ARSK: variants seen among roughly 807,000 people sequenced by gnomAD.
ARSK encodes arylsulfatase family member K.
In ARSK, 37 loss-of-function variants were observed where a neutral mutation model predicts 53.2. That is an observed-to-expected ratio of 0.70 (90% confidence interval 0.54 to 0.92). ARSK has a LOEUF of 0.92. Ranked by LOEUF, ARSK falls within the 40% of genes least tolerant of loss-of-function variation. ARSK has a pLI of 0.00. For synonymous variants in ARSK, 208 were observed against 223.2 expected (o/e 0.93, Z 0.61); for missense variants, 613 against 643.0 (o/e 0.95, Z 0.51).
chr5:95,576,769 A>G (rs1376906877), intron 3 of ARSK, among the ~76,000 whole-genome samples: 1 of 151,756 alleles, frequency 6.6e-6, no homozygotes, highest in Non-Finnish European at 1.5e-5. Context: ...CAGCTATATC[A>G]CTTCTAATCC....
chr5:95,579,086 G>A (rs1580222672), intron 3 of ARSK, among the ~76,000 whole-genome samples: 1 of 152,130 alleles, frequency 6.6e-6, no homozygotes, highest in African/African-American at 2.4e-5. Context: ...ATAGGCTACT[G>A]TTGAAGCTCC....
chr5:95,600,908 A>C lies in ARSK; in HGVS notation c.1158A>C (p.Ser386=). The C allele has an allele frequency of 6.2e-7, 1 of 1,614,156 alleles. No homozygotes were observed. The highest frequency in any genetic ancestry group is 8.5e-7 in the Non-Finnish European group (1 of 1,179,982). The change falls in exon 7 of 8, where the codon TCA becomes TCC. Residue 386 remains serine, a synonymous_variant. Transcript: ENST00000380009. ...GATACTCTTTGTTGCCGTTATCATC[A>C]GAAACATTTAAGAATGAACATAAAG... ...LSGYSLLPLS[S]ETFKNEHKVK...
At chr5:95,562,935 T>C (rs963939924) in intron 1 of ARSK, among the ~76,000 whole-genome samples, 3 of 152,246 alleles carry the variant, frequency 2.0e-5, no homozygotes, top group Admixed American at 1.3e-4. Context: ...TTTTCACTTA[T>C]AACTGGCTAT....
In ARSK at chr5:95,574,989, A is replaced by G. The variant is rs534621311; in HGVS notation, c.416+6940A>G. Among the ~76,000 whole-genome samples, 17 of 152,298 alleles carry G rather than the reference A, an allele frequency of 1.1e-4. No individual in the cohort carries two copies. The South Asian group carries it at 3.3e-3, about 30-fold the overall frequency. On this transcript the variant is annotated intron_variant, in intron 3 of 7. Transcript: ENST00000380009. ...TTTCATAGTTTGAGGTCTCAGATTT[A>G]AGTCTTTAATCCATTTTGATTTGAT...
intron 3 of ARSK, among the ~76,000 whole-genome samples, chr5:95,577,208 T>G (rs1230917579): frequency 6.6e-6 from 1 of 152,258 alleles, no homozygotes; most frequent in Non-Finnish European, 1.5e-5. Context: ...GGTTACATTT[T>G]CTGTATAATA....
intron 4 of ARSK, among the ~76,000 whole-genome samples, chr5:95,583,565 G>A (rs957585512): frequency 6.6e-6 from 1 of 151,848 alleles, no homozygotes; most frequent in Admixed American, 6.6e-5. Context: ...CCATTTTCTG[G>A]CACTTTTAAA....
At chr5:95,572,062 A>G (rs1439901653) in intron 3 of ARSK, among the ~76,000 whole-genome samples, 1 of 152,302 alleles carries the variant, frequency 6.6e-6, no homozygotes, top group Non-Finnish European at 1.5e-5. Context: ...TTATTATTAT[A>G]ATACTTCCAT....
Position 95,555,190 on chromosome 5 carries a change from G to T in ARSK, c.-89G>T. 7.6e-7 allele frequency: 1 copy of T among 1,313,486 alleles called. No individual in the cohort carries two copies. The highest frequency in any genetic ancestry group is 1.0e-6 in the Non-Finnish European group (1 of 967,626). The allele number at this position is 1,313,486 out of a possible 1,614,324, so 81.4% of individuals were successfully genotyped here. A position where few individuals can be genotyped will look rare whatever the true frequency, so the allele number is the denominator to read the frequency against. On this transcript the variant is annotated 5_prime_UTR_variant, in exon 1 of 8. Transcript: ENST00000380009. The surrounding 1 kb of genome is among the most constrained non-coding windows in gnomAD (Gnocchi z 4.0). ...AACCAAACTGCAAGCTTTGGGAGTT[G>T]TTCGCTGTCCCTGCCCTGCTCTGCT...
At chr5:95,588,956 G>A (rs1308047893) in intron 5 of ARSK, among the ~76,000 whole-genome samples, 3 of 147,954 alleles carry the variant, frequency 2.0e-5, no homozygotes, top group Admixed American at 6.7e-5. Flanking sequence ...GTGAGACTCC[G>A]TCTCAAAAAC....
intron 5 of ARSK, among the ~76,000 whole-genome samples, chr5:95,590,346 A>G (rs893590725): frequency 1.3e-5 from 2 of 152,152 alleles, no homozygotes; most frequent in African/African-American, 4.8e-5. Flanking sequence ...AAGGTCTAGC[A>G]GGTAGCCGAG....
chr5:95,579,278 A>G (rs1225151318), intron 3 of ARSK, among the ~76,000 whole-genome samples: 29 of 152,180 alleles, frequency 1.9e-4, no homozygotes, highest in Non-Finnish European at 1.5e-5. Context: ...TCATGCTGCC[A>G]TTAAAGACAT....
At chr5:95,597,847 T>C (rs577849857) in intron 6 of ARSK, among the ~76,000 whole-genome samples, 4 of 148,534 alleles carry the variant, frequency 2.7e-5, no homozygotes, top group South Asian at 4.3e-4. Context: ...TGAGCCAAGA[T>C]TGCGCCACTG....
At position 95,599,440 on chromosome 5, in the gene ARSK, C is replaced by G. The variant is rs1749361968; in HGVS notation, c.1097-1407C>G. 2.1e-5 allele frequency among the ~76,000 whole-genome samples: 3 copies of G among 144,904 alleles called. No individual in the cohort carries two copies. The East Asian group carries it at 5.8e-4, about 28-fold the overall frequency. On this transcript the variant is annotated intron_variant, in intron 6 of 7. Transcript: ENST00000380009. ...CCTTGCTGGTGGTGCCTCCTGATGG[C>G]TGACACACAGACCACCCTTACCCAG...
At position 95,555,260 on chromosome 5, in the gene ARSK, C is replaced by G. The variant is rs1441007424; in HGVS notation, c.-19C>G. 1 of 1,584,180 alleles carries G rather than the reference C, an allele frequency of 6.3e-7. No individual in the cohort carries two copies. The highest frequency in any genetic ancestry group is 8.5e-7 in the Non-Finnish European group (1 of 1,170,066). On this transcript the variant is annotated 5_prime_UTR_variant, in exon 1 of 8. Coordinates refer to ENST00000380009, the MANE Select transcript of ARSK (RefSeq NM_198150.3). The surrounding 1 kb of genome is among the most constrained non-coding windows in gnomAD (Gnocchi z 4.0). ...GAGGCGGCTGGCCCGGCGGCAGGCTCTCAGAACCGCTACCGGCGATGCTAC... is the reference window on the plus strand; with the variant it reads ...GAGGCGGCTGGCCCGGCGGCAGGCTGTCAGAACCGCTACCGGCGATGCTAC...
intron 1 of ARSK, among the ~76,000 whole-genome samples, chr5:95,557,586 T>C (rs1351002737): frequency 6.6e-6 from 1 of 152,254 alleles, no homozygotes; most frequent in East Asian, 1.9e-4. Flanking sequence ...TTTAGGTATA[T>C]TCAACTATAT....
chr5:95,568,800 C>T (rs563856960), intron 3 of ARSK, among the ~76,000 whole-genome samples: 3 of 152,158 alleles, frequency 2.0e-5, no homozygotes, highest in African/African-American at 7.2e-5. Flanking sequence ...AGCATTTGTG[C>T]ATTGTGGTTT....
intron 6 of ARSK, among the ~76,000 whole-genome samples, chr5:95,592,909 C>A (rs1749243405): frequency 6.6e-6 from 1 of 152,092 alleles, no homozygotes; most frequent in Admixed American, 6.6e-5. Context: ...CCCTTTATCC[C>A]AAAGTAATGA....
intron 3 of ARSK, among the ~76,000 whole-genome samples, chr5:95,570,837 A>C (rs1300228943): frequency 1.3e-5 from 2 of 151,246 alleles, no homozygotes; most frequent in East Asian, 3.9e-4. Flanking sequence ...GCTGGAGTGC[A>C]ATAGCGTGAT....
At chr5:95,596,010 A>G (rs1375222135) in intron 6 of ARSK, among the ~76,000 whole-genome samples, 2 of 152,190 alleles carry the variant, frequency 1.3e-5, no homozygotes, top group Non-Finnish European at 2.9e-5. Flanking sequence ...TTAGAGTACT[A>G]TTAACAATTA....
Sources: gnomAD v4.1 joint callset for allele counts (sites outside exome capture counted in the v4.1 genomes callset) on GRCh38, gnomAD v4.1.1 for gene constraint, Gnocchi (gnomAD v3.1) non-coding constraint, MANE v1.5 for transcripts, NCBI Gene and HGNC (gene_info 2026-07-23, HGNC 2026-07-21) for gene names.